The following GSPT1 variants were observed in gnomAD, a reference collection of about 807,000 sequenced individuals.
The protein encoded by GSPT1 is eukaryotic peptide chain release factor GTP-binding subunit ERF3A.
A neutral mutation model predicts 72.5 loss-of-function variants in GSPT1; 20 were observed. The observed-to-expected ratio is 0.28, with a 90% confidence interval of 0.19 to 0.40. The LOEUF (loss-of-function observed/expected upper bound fraction) is 0.40. GSPT1 is among the 10% of genes least tolerant of loss of function. The pLI, the probability that GSPT1 is intolerant of heterozygous loss-of-function variation, is 1.00. For synonymous variants in GSPT1, 334 were observed against 293.5 expected (o/e 1.14, Z -1.41); for missense variants, 580 against 811.9 (o/e 0.71, Z 3.47).
At chr16:11,890,937 G>T in intron 6 of GSPT1, 125 bp downstream of exon 6, 1 of 596,120 alleles carries the variant, frequency 1.7e-6, no homozygotes, top group Non-Finnish European at 3.0e-6. Flanking sequence ...GAGGAGAGGG[G>T]AAATTTCCTT....
At chr16:11,885,549 AC>A (rs755087174) in intron 9 of GSPT1, among the ~76,000 whole-genome samples, 18 of 152,290 alleles carry the variant, frequency 1.2e-4, no homozygotes, top group Non-Finnish European at 1.3e-4. Flanking sequence ...CTTTTTATGG[AC>A]TTTTCCAGCT....
rs750284144 is a variant in GSPT1 at position 11,898,957 on chromosome 16, C to T, written c.353-922G>A. On this transcript the variant is annotated intron_variant, in intron 1 of 14. Coordinates refer to ENST00000434724, the MANE Select transcript of GSPT1 (RefSeq NM_002094.4). ...GCAACAATCCAGTTTCCAGTTGCCA[C>T]ACTGCAAATTTACTTATGACATTAC... 3.3e-5 allele frequency among the ~76,000 whole-genome samples: 5 copies of T among 152,140 alleles called. 1 individual carries two copies. The highest frequency in any genetic ancestry group is 7.2e-5 in the African/African-American group (3 of 41,424).
chr16:11,884,838 G>A (rs2054167566), intron 10 of GSPT1, among the ~76,000 whole-genome samples: 1 of 151,460 alleles, frequency 6.6e-6, no homozygotes, highest in Non-Finnish European at 1.5e-5. Flanking sequence ...GGAGGCCGAG[G>A]CAGGTGGATC....
chr16:11,904,181 A>G (rs2054455089), intron 1 of GSPT1: 1 of 190,870 alleles, frequency 5.2e-6, no homozygotes, highest in South Asian at 1.2e-4. Flanking sequence ...CAACACCAAC[A>G]TCATTCCTGA....
rs1163434430 is a variant in GSPT1, at chr16:11,869,095, A to C, written c.*4024T>G. 1 of 152,216 alleles carries C rather than the reference A, an allele frequency of 6.6e-6. No homozygotes were observed. Among genetic ancestry groups the C allele is most frequent in the East Asian group, 1.9e-4 (1 of 5,200 alleles). The allele number at this position is 152,216 out of a possible 1,614,324, so 9.4% of individuals were successfully genotyped here. A position where few individuals can be genotyped will look rare whatever the true frequency, so the allele number is the denominator to read the frequency against. ...AGTCAAGAATATCCTAGAGCCAAAAACCACCAAAAGTTGAACCAAATCTAC... is the reference window on the plus strand; with the variant it reads ...AGTCAAGAATATCCTAGAGCCAAAACCCACCAAAAGTTGAACCAAATCTAC... On this transcript the variant is annotated 3_prime_UTR_variant, in exon 15 of 15. Transcript: ENST00000434724.
At chr16:11,875,002 T>C (rs922510667) in intron 14 of GSPT1, among the ~76,000 whole-genome samples, 11 of 152,140 alleles carry the variant, frequency 7.2e-5, no homozygotes, top group East Asian at 1.9e-4. Context: ...CCATCCTGGC[T>C]AACGTGGTGA....
At position 11,901,156 on chromosome 16, in the gene GSPT1, C is replaced by CA. The variant is rs757100120; in HGVS notation, c.353-3122dup. 8.8e-4 allele frequency among the ~76,000 whole-genome samples: 134 copies of CA among 152,138 alleles called. 2 individuals carry two copies. The Middle Eastern group carries it at 0.024, about 27-fold the overall frequency. On this transcript the variant is annotated intron_variant, in intron 1 of 14. Transcript: ENST00000434724. ...TGGGCGAGAGAGTGACACCCTGTCT[C>CA]AAAAAATAAAAATAAAACCGATATA...
chr16:11,915,461 G>A lies in GSPT1; in HGVS notation c.260C>T (p.Pro87Leu), dbSNP rs1204164782. The A allele has an allele frequency of 6.5e-7, 1 of 1,547,552 alleles. No homozygotes were observed. Among genetic ancestry groups the A allele is most frequent in the Non-Finnish European group, 8.7e-7 (1 of 1,149,258 alleles). Residue 87 changes from proline to leucine, a missense_variant, in exon 1 of 15, where the codon CCG becomes CTG. Coordinates refer to ENST00000434724, the MANE Select transcript of GSPT1 (RefSeq NM_002094.4). ...VPNVHAAEFV[P>L]SFLRGPAAPP... Reference sequence around the variant, plus strand: ...CGCTGCCGGGCCCCGCAGGAAGGACGGCACGAACTCGGCGGCGTGGACGTT... The same window carrying A: ...CGCTGCCGGGCCCCGCAGGAAGGACAGCACGAACTCGGCGGCGTGGACGTT...
intron 11 of GSPT1, among the ~76,000 whole-genome samples, chr16:11,878,936 C>T (rs1236048956): frequency 1.3e-5 from 2 of 151,660 alleles, no homozygotes; most frequent in Admixed American, 1.3e-4. Context: ...ATTAGCTTGG[C>T]GTGGTGGCAG....
intron 12 of GSPT1, among the ~76,000 whole-genome samples, chr16:11,876,692 A>G (rs990977210): frequency 3.3e-5 from 5 of 152,110 alleles, no homozygotes; most frequent in Non-Finnish European, 7.4e-5. Flanking sequence ...GCAGTGAGCC[A>G]AGATCGCGCC....
intron 8 of GSPT1, 65 bp from the exon 9 acceptor site, chr16:11,886,676 G>C (rs183391381): frequency 2.8e-5 from 43 of 1,551,164 alleles, no homozygotes; most frequent in Middle Eastern, 1.8e-4. Flanking sequence ...AGTTTCCTAA[G>C]TAAACAGATT....
intron 1 of GSPT1, among the ~76,000 whole-genome samples, chr16:11,901,620 A>AATAT (rs113206101): frequency 0.27 from 39,225 of 146,940 alleles, 5,862 homozygotes; most frequent in East Asian, 0.57. Flanking sequence ...CACACACAAA[A>AATAT]ATATATATAT....
chr16:11,899,823 C>G (rs554495576), intron 1 of GSPT1, among the ~76,000 whole-genome samples: 56 of 152,222 alleles, frequency 3.7e-4, no homozygotes, highest in African/African-American at 1.1e-3. Context: ...ACTGAGCTGA[C>G]TCCTAGGTTT....
chr16:11,880,919 G>A (rs2054113914), intron 11 of GSPT1, among the ~76,000 whole-genome samples: 1 of 152,180 alleles, frequency 6.6e-6, no homozygotes, highest in Non-Finnish European at 1.5e-5. Flanking sequence ...TGATATTTGA[G>A]ACGGAGTCTC....
rs372606050 is a variant in GSPT1, at chr16:11,889,271, A to G, written c.777-1521T>C. On this transcript the variant is annotated intron_variant, in intron 6 of 14. Transcript: ENST00000434724. Reference sequence around the variant, plus strand: ...TGCAGTGAGTGGAGATGGAGCCACTACACTCCAGCCTGGGCAACAGAGCCT... The same window carrying G: ...TGCAGTGAGTGGAGATGGAGCCACTGCACTCCAGCCTGGGCAACAGAGCCT... Among the ~76,000 whole-genome samples, 4 of 147,896 alleles carry G rather than the reference A, an allele frequency of 2.7e-5. No homozygotes were observed. In the East Asian group the frequency reaches 8.0e-4, roughly 30 times the overall value.
rs770904670 is a variant in GSPT1, at chr16:11,873,134, A to G, written c.1899T>C (p.Val633=). 3.8e-6 allele frequency: 6 copies of G among 1,598,658 alleles called. No individual in the cohort carries two copies. The highest frequency in any genetic ancestry group is 3.3e-5 in the South Asian group (3 of 90,664). The change falls in exon 15 of 15, where the codon GTT becomes GTC. Residue 633 remains valine, a synonymous_variant. Coordinates refer to ENST00000434724, the MANE Select transcript of GSPT1 (RefSeq NM_002094.4). ...AAGAAAATGCTTAGTCTTTCTCTGG[A>G]ACCAGTTTCAGAACTTTTCCAATTG... ...TIAIGKVLKL[V]PEKD is the part of the protein sequence containing the mutation.
intron 12 of GSPT1, among the ~76,000 whole-genome samples, chr16:11,876,397 G>GT (rs1194735948): frequency 6.6e-6 from 1 of 152,144 alleles, no homozygotes; most frequent in African/African-American, 2.4e-5. Context: ...ATCTTATCCT[G>GT]TATTTATCTT....
rs1249531653 is a variant in GSPT1 at position 11,897,993 on chromosome 16, C to T, written c.394+1G>A. On this transcript the variant is annotated splice_donor_variant, in intron 2 of 14. Transcript: ENST00000434724. LOFTEE classifies it high-confidence loss of function. The stretch of plus-strand genomic sequence containing the variant: ...TAGACTTTCAAAGAGTACATCATTA[C>T]CTTCACACAATGACTGTTCCTCTTG... The T allele has an allele frequency of 6.5e-7, 1 of 1,548,286 alleles. No homozygotes were observed. The highest frequency in any genetic ancestry group is 1.2e-5 in the South Asian group (1 of 84,338).
At chr16:11,901,486 G>T (rs2054405021) in intron 1 of GSPT1, among the ~76,000 whole-genome samples, 1 of 151,994 alleles carries the variant, frequency 6.6e-6, no homozygotes, top group Admixed American at 6.6e-5. Context: ...ATTTAAAAAT[G>T]GAACAATTTT....
Sources: allele counts gnomAD v4.1 joint callset (sites outside exome capture counted in the v4.1 genomes callset), GRCh38; gene constraint gnomAD v4.1.1; transcripts MANE v1.5; gene names NCBI Gene and HGNC (gene_info 2026-07-23, HGNC 2026-07-21).